The following ZNF592 variants were observed in gnomAD, a reference collection of about 807,000 sequenced individuals.
ZNF592 encodes zinc finger protein 592, also known as spinocerebellar ataxia, autosomal recessive 5.
Under a neutral mutation model 80.3 loss-of-function variants are expected in ZNF592, and 11 were observed. The observed-to-expected ratio is 0.14, with a 90% CI of 0.09 to 0.23. The LOEUF is 0.23. Ranked by LOEUF, ZNF592 falls within the 10% of genes least tolerant of loss-of-function variation. The pLI, the probability that ZNF592 is intolerant of heterozygous loss-of-function variation, is 1.00. For missense variants in ZNF592, 1,420 were observed against 1,633.9 expected (o/e 0.87, Z 2.26); for synonymous variants, 646 against 640.3 (o/e 1.01, Z -0.13).
intron 2 of ZNF592, among the ~76,000 whole-genome samples, chr15:84,766,784 A>T (rs369071024): frequency 4.7e-5 from 7 of 150,304 alleles, no homozygotes; most frequent in African/African-American, 1.7e-4. Flanking sequence ...GAGAAACTTT[A>T]CCAGCCCTTT....
intron 4 of ZNF592, among the ~76,000 whole-genome samples, chr15:84,785,622 G>C (rs140616085): frequency 6.6e-6 from 1 of 152,280 alleles, no homozygotes; most frequent in East Asian, 1.9e-4. Context: ...AAAGAACTGT[G>C]TCTTTAATAA....
At chr15:84,792,049 C>T (rs1962764837) in intron 5 of ZNF592, among the ~76,000 whole-genome samples, 1 of 151,928 alleles carries the variant, frequency 6.6e-6, no homozygotes, top group South Asian at 2.1e-4. Flanking sequence ...AAAGATCATT[C>T]TGGGAAGCGA....
chr15:84,749,692 A>T (rs1478207157), intron 1 of ZNF592, among the ~76,000 whole-genome samples: 1 of 152,122 alleles, frequency 6.6e-6, no homozygotes. Context: ...TCGCGGGTGC[A>T]GTGTGGTGCA....
At chr15:84,766,499 C>T (rs1338089371) in intron 2 of ZNF592, among the ~76,000 whole-genome samples, 2 of 151,930 alleles carry the variant, frequency 1.3e-5, no homozygotes, top group East Asian at 3.9e-4. Flanking sequence ...TCCCTCAGGT[C>T]TGAGCAGTCA....
rs1302358720 is a variant in ZNF592 at position 84,805,190 on chromosome 15, C to G, written c.*2797C>G. The stretch of plus-strand genomic sequence containing the variant: ...CCGTTGACATTTCGAAACGTGGTAT[C>G]TCTACAACCTTTCATTCTCATTGGG... On this transcript the variant is annotated 3_prime_UTR_variant, in exon 11 of 11. Coordinates refer to ENST00000560079, the MANE Select transcript of ZNF592 (RefSeq NM_014630.3). The G allele has an allele frequency of 6.6e-6, 1 of 152,210 alleles. No individual in the cohort carries two copies. The highest frequency in any genetic ancestry group is 2.4e-5 in the African/African-American group (1 of 41,438). The allele number at this position is 152,210 out of a possible 1,614,324, so 9.4% of individuals were successfully genotyped here.
At chr15:84,786,013 C>T (rs1481469296) in intron 4 of ZNF592, among the ~76,000 whole-genome samples, 3 of 152,158 alleles carry the variant, frequency 2.0e-5, no homozygotes, top group Non-Finnish European at 4.4e-5. Flanking sequence ...ATGGTGCTTC[C>T]CTAAGCTGGT....
rs549731730 is a variant in ZNF592 at position 84,784,837 on chromosome 15, G to A, written c.2162G>A (p.Arg721Gln). The change falls in exon 4 of 11, where the codon CGG becomes CAG. Residue 721 changes from arginine (R) to glutamine (Q), a missense_variant. This residue lies in a region of ZNF592 where 524 missense variants were observed against 628.3 expected (regional missense o/e 0.83). Coordinates refer to ENST00000560079, the MANE Select transcript of ZNF592 (RefSeq NM_014630.3). The surrounding 1 kb of genome is among the most constrained non-coding windows in gnomAD (Gnocchi z 5.8). ...IKCLECHKQMRDYMVLAAHFQ... is the reference protein window; with the variant it reads ...IKCLECHKQMQDYMVLAAHFQ... ...TGTCTTGAATGTCACAAGCAGATGCGGGACTACATGGTCCTGGCTGCACAT... is the reference window on the plus strand; with the variant it reads ...TGTCTTGAATGTCACAAGCAGATGCAGGACTACATGGTCCTGGCTGCACAT... 5.0e-6 allele frequency: 8 copies of A among 1,614,068 alleles called. No individual in the cohort carries two copies. Among genetic ancestry groups the A allele is most frequent in the South Asian group, 1.1e-5 (1 of 91,080 alleles).
At chr15:84,791,845 A>G (rs1295436374) in intron 5 of ZNF592, among the ~76,000 whole-genome samples, 1 of 152,260 alleles carries the variant, frequency 6.6e-6, no homozygotes, top group African/African-American at 2.4e-5. Flanking sequence ...GGTGTCAGGA[A>G]TGATGAGTAT....
chr15:84,797,894 C>T lies in ZNF592; in HGVS notation c.2425C>T (p.Leu809=). 6.2e-7 allele frequency: 1 copy of T among 1,614,224 alleles called. No individual in the cohort carries two copies. The change falls in exon 6 of 11, where the codon CTG becomes TTG. Residue 809 remains leucine (L), a synonymous_variant. Coordinates refer to ENST00000560079, the MANE Select transcript of ZNF592 (RefSeq NM_014630.3). ...GTGCATCCACTGTGGTGTCGTCCAC[C>T]TGACCTTGGCCTTGCTGAAAAGCCA... The part of the protein sequence containing the change: ...YRCIHCGVVH[L]TLALLKSHIQ...
In ZNF592 at chr15:84,797,949, A is replaced by G. The variant is rs758701654; in HGVS notation, c.2480A>G (p.His827Arg). 9.3e-6 allele frequency: 15 copies of G among 1,614,096 alleles called. No individual in the cohort carries two copies. In the African/African-American group the frequency reaches 1.9e-4, roughly 20 times the overall value. Residue 827 changes from histidine (H) to arginine (R), a missense_variant, in exon 6 of 11, where the codon CAC (histidine) becomes CGC (arginine). Coordinates refer to ENST00000560079, the MANE Select transcript of ZNF592 (RefSeq NM_014630.3). The part of the protein sequence containing the change: ...HIQERHCQVF[H>R]KCAFCPMAFK... ...CAGGAGCGACACTGCCAGGTTTTCC[A>G]CAAATGTGCATTCTGCCCCATGGCC...
chr15:84,770,690 C>G (rs1899673168), intron 2 of ZNF592, among the ~76,000 whole-genome samples: 1 of 151,372 alleles, frequency 6.6e-6, no homozygotes, highest in South Asian at 2.1e-4. Flanking sequence ...ACCTGGGAAG[C>G]TTTAAAAAAA....
rs528251629 is a variant in ZNF592 at position 84,801,801 on chromosome 15, A to G, written c.3274-62A>G. 12 of 1,613,280 alleles carry G rather than the reference A, an allele frequency of 7.4e-6. No individual in the cohort carries two copies. The East Asian group carries it at 2.7e-4, about 36-fold the overall frequency. On this transcript the variant is annotated intron_variant, in intron 10 of 10. Transcript: ENST00000560079. ...TCTTTGAGTCCTTGGGCTCATGGTT[A>G]TGTCTAGGGGCTCATGTCCAGGGCT...
chr15:84,763,445 T>C (rs953654521), intron 1 of ZNF592, among the ~76,000 whole-genome samples: 1 of 152,182 alleles, frequency 6.6e-6, no homozygotes, highest in Admixed American at 6.5e-5. Context: ...AGTATACTCA[T>C]TGGAGCACCT....
intron 4 of ZNF592, among the ~76,000 whole-genome samples, chr15:84,787,514 C>T (rs10438428): frequency 0.57 from 86,078 of 151,964 alleles, 25,722 homozygotes; most frequent in East Asian, 0.8. Context: ...GATAGTTGGG[C>T]TCCACACCAC....
Position 84,790,854 on chromosome 15 carries a change from C to T in ZNF592, c.2370C>T (p.Cys790=). The T allele has an allele frequency of 6.2e-7, 1 of 1,614,236 alleles. No homozygotes were observed. The highest frequency in any genetic ancestry group is 8.5e-7 in the Non-Finnish European group (1 of 1,180,044). Residue 790 remains cysteine (C), a synonymous_variant, in exon 5 of 11, where the codon TGC becomes TGT. Coordinates refer to ENST00000560079, the MANE Select transcript of ZNF592 (RefSeq NM_014630.3). The part of the protein sequence containing the change: ...AYFQTHVKEN[C]LHYARKVGYR... ...TCCAGACCCATGTAAAGGAGAATTG[C>T]CTGCACTATGCCCGCAAGGTGGGCT...
chr15:84,756,256 T>C (rs1244080238), intron 1 of ZNF592, among the ~76,000 whole-genome samples: 1 of 152,236 alleles, frequency 6.6e-6, no homozygotes, highest in African/African-American at 2.4e-5. Flanking sequence ...TACAGGAACA[T>C]TTTACCCACA....
intron 1 of ZNF592, among the ~76,000 whole-genome samples, chr15:84,749,008 G>C (rs1898933525): frequency 6.6e-6 from 1 of 152,130 alleles, no homozygotes; most frequent in African/African-American, 2.4e-5. Context: ...GCGGCCCCCA[G>C]CCCGGGCACG....
intron 5 of ZNF592, among the ~76,000 whole-genome samples, chr15:84,794,468 T>A (rs12903134): frequency 0.2 from 29,991 of 151,858 alleles, 3,766 homozygotes; most frequent in Middle Eastern, 0.36. Context: ...ATCATGTGCT[T>A]ATTGGACTCC....
Position 84,782,929 on chromosome 15 carries a change from A to T in ZNF592, c.254A>T (p.His85Leu). ...RQESFEAEKD[H>L]ITPSLLHNGF... The stretch of plus-strand genomic sequence containing the variant: ...GAGTCATTTGAAGCGGAGAAAGACC[A>T]CATTACTCCCAGTCTCCTACACAAT... The change falls in exon 4 of 11, where the codon CAC becomes CTC. Residue 85 changes from histidine (H) to leucine (L), a missense_variant. Transcript: ENST00000560079. The T allele has an allele frequency of 2.5e-6, 4 of 1,614,198 alleles. No individual in the cohort carries two copies. Among genetic ancestry groups the T allele is most frequent in the Non-Finnish European group, 3.4e-6 (4 of 1,180,036 alleles).
Sources: allele counts gnomAD v4.1 joint callset (sites outside exome capture counted in the v4.1 genomes callset), GRCh38; gene constraint gnomAD v4.1.1; regional missense constraint gnomAD v4.1.1; non-coding constraint Gnocchi (gnomAD v3.1); transcripts MANE v1.5; gene names NCBI Gene and HGNC (gene_info 2026-07-23, HGNC 2026-07-21).